CDC42EP2: variants seen among roughly 807,000 people sequenced by gnomAD.
The protein encoded by CDC42EP2 is CDC42 effector protein 2, also known as CDC42 effector protein (Rho GTPase binding) 2.
In CDC42EP2, 5 loss-of-function variants were observed where a neutral mutation model predicts 7.3. The observed-to-expected ratio is 0.68, with a 90% CI of 0.36 to 1.44. CDC42EP2 has a LOEUF of 1.44. Ranked by LOEUF, CDC42EP2 falls within the 40% of genes most tolerant of loss-of-function variation. CDC42EP2 has a pLI of 0.04. For synonymous variants in CDC42EP2, 113 were observed against 123.6 expected (o/e 0.91, Z 0.57); for missense variants, 251 against 282.6 (o/e 0.89, Z 0.80).
rs551068971 is a variant in CDC42EP2 at position 65,318,081 on chromosome 11, T to A, written c.-355-2463T>A. ...GCCTTCTAGATTTTTCTCTGTGTTT[T>A]AAATTTTTTTTTTAATTTTTTTTAT... On this transcript the variant is annotated intron_variant, in intron 1 of 1. Transcript: ENST00000279249. Among the ~76,000 whole-genome samples, 122 of 152,006 alleles carry A rather than the reference T, an allele frequency of 8.0e-4. 1 individual carries two copies. In the East Asian group the frequency reaches 0.02, roughly 24 times the overall value.
chr11:65,318,645 G>C (rs907378898), intron 1 of CDC42EP2, among the ~76,000 whole-genome samples: 1 of 151,662 alleles, frequency 6.6e-6, no homozygotes, highest in Admixed American at 6.6e-5. Flanking sequence ...GGATGGTCTC[G>C]ATCTCCTGAC....
At chr11:65,319,854 G>A (rs1028430998) in intron 1 of CDC42EP2, among the ~76,000 whole-genome samples, 2 of 152,198 alleles carry the variant, frequency 1.3e-5, no homozygotes, top group African/African-American at 4.8e-5. Flanking sequence ...CCACAATCTG[G>A]CACTTACATT....
At chr11:65,316,814 C>T (rs1302405121) in intron 1 of CDC42EP2, among the ~76,000 whole-genome samples, 8 of 152,152 alleles carry the variant, frequency 5.3e-5, no homozygotes, top group Admixed American at 5.2e-4. Flanking sequence ...GCCTCACCCT[C>T]GATTCTCCCC....
At chr11:65,318,421 A>AT (rs1279340276) in intron 1 of CDC42EP2, among the ~76,000 whole-genome samples, 8,169 of 114,038 alleles carry the variant, frequency 0.072, 566 homozygotes, top group African/African-American at 0.16. Flanking sequence ...CACCTGGCAA[A>AT]TTTTTTTTTT....
At position 65,315,566 on chromosome 11, in the gene CDC42EP2, TCCCCGATTGTGGGACCAGAAA is replaced by T. The variant is rs1408699911; in HGVS notation, c.-356+619_-356+639del. Among the ~76,000 whole-genome samples the T allele has an allele frequency of 6.6e-6, 1 of 152,214 alleles. No individual in the cohort carries two copies. The highest frequency in any genetic ancestry group is 1.5e-5 in the Non-Finnish European group (1 of 68,032). ...GCAGGGTCCCCAATCGCCCCCTTTT[TCCCCGATTGTGGGACCAGAAA>T]CCCCGAAGCAAAAAGATCTCGCAGG... is the stretch of plus-strand genomic sequence containing the variant. On this transcript the variant is annotated intron_variant, in intron 1 of 1. Transcript: ENST00000279249. The surrounding 1 kb of genome is among the most constrained non-coding windows in gnomAD (Gnocchi z 4.1).
rs1949970682 is a variant in CDC42EP2, at chr11:65,320,927, A to G, written c.29A>G (p.Lys10Arg). The change falls in exon 2 of 2, where the codon AAG (lysine) becomes AGG (arginine). Residue 10 changes from lysine (K) to arginine (R), a missense_variant. Lys to Arg is a conservative substitution (Grantham distance 26). Coordinates refer to ENST00000279249, the MANE Select transcript of CDC42EP2 (RefSeq NM_006779.4). MSTKVPIYL[K>R]RGSRKGKKEK... ...TCCACCAAGGTGCCCATCTATCTGA[A>G]GCGTGGCAGTCGCAAGGGCAAGAAG... 6.2e-7 allele frequency: 1 copy of G among 1,608,510 alleles called. No individual in the cohort carries two copies. The highest frequency in any genetic ancestry group is 8.5e-7 in the Non-Finnish European group (1 of 1,175,796).
intron 1 of CDC42EP2, among the ~76,000 whole-genome samples, chr11:65,316,681 G>A (rs1949949422): frequency 6.6e-6 from 1 of 152,154 alleles, no homozygotes; most frequent in African/African-American, 2.4e-5. Context: ...TGCCGTGACT[G>A]GGAGCTTTAA....
At chr11:65,316,020 C>T (rs4149818) in intron 1 of CDC42EP2, among the ~76,000 whole-genome samples, 5,812 of 152,282 alleles carry the variant, frequency 0.038, 204 homozygotes, top group Non-Finnish European at 0.051. Flanking sequence ...GGCGCTCTCA[C>T]CTGCAATATT....
At chr11:65,319,846 A>G (rs996821147) in intron 1 of CDC42EP2, among the ~76,000 whole-genome samples, 2 of 152,180 alleles carry the variant, frequency 1.3e-5, no homozygotes, top group African/African-American at 4.8e-5. Flanking sequence ...GAGGCCCCCC[A>G]CAATCTGGCA....
At position 65,321,010 on chromosome 11, in the gene CDC42EP2, C is replaced by G; in HGVS notation, c.112C>G (p.Arg38Gly). ...GATCAGCCCACCGCTGGGGGACTTCCGCCACACCATTCATATTGGCAGTGG... is the reference window on the plus strand; with the variant it reads ...GATCAGCCCACCGCTGGGGGACTTCGGCCACACCATTCATATTGGCAGTGG... Reference protein sequence around the residue: ...DMISPPLGDFRHTIHIGSGGG... With the variant: ...DMISPPLGDFGHTIHIGSGGG... The change falls in exon 2 of 2, where the codon CGC (arginine) becomes GGC (glycine). Residue 38 changes from arginine (R) to glycine (G), a missense_variant. Coordinates refer to ENST00000279249, the MANE Select transcript of CDC42EP2 (RefSeq NM_006779.4). The surrounding 1 kb of genome is among the most constrained non-coding windows in gnomAD (Gnocchi z 4.4). The G allele has an allele frequency of 6.2e-7, 1 of 1,614,152 alleles. No homozygotes were observed. Among genetic ancestry groups the G allele is most frequent in the Non-Finnish European group, 8.5e-7 (1 of 1,180,050 alleles).
At chr11:65,319,679 C>T (rs1211254746) in intron 1 of CDC42EP2, among the ~76,000 whole-genome samples, 1 of 152,200 alleles carries the variant, frequency 6.6e-6, no homozygotes, top group Non-Finnish European at 1.5e-5. Flanking sequence ...ACCCCACCTC[C>T]AGGTGGGACA....
intron 1 of CDC42EP2, among the ~76,000 whole-genome samples, chr11:65,316,885 T>C (rs1409060937): frequency 6.6e-6 from 1 of 152,016 alleles, no homozygotes; most frequent in East Asian, 1.9e-4. Flanking sequence ...GGACGCCCAA[T>C]TTGTTGTGGA....
chr11:65,319,110 A>T (rs1395494976), intron 1 of CDC42EP2, among the ~76,000 whole-genome samples: 4 of 148,500 alleles, frequency 2.7e-5, no homozygotes, highest in African/African-American at 9.9e-5. Context: ...CTCAGGTTCA[A>T]TTTTGAATTT....
In CDC42EP2 at chr11:65,321,908, A is replaced by G; in HGVS notation, c.*377A>G. 4.5e-6 allele frequency: 1 copy of G among 220,080 alleles called. No homozygotes were observed. The highest frequency in any genetic ancestry group is 1.0e-5 in the Non-Finnish European group (1 of 99,790). The allele number at this position is 220,080 out of a possible 1,614,324, so 13.6% of individuals were successfully genotyped here. ...TGGATGCCCTGACTGGGGGCAGGGG[A>G]AGAGACAGGGCACAGCTGGCCACAG... On this transcript the variant is annotated 3_prime_UTR_variant, in exon 2 of 2. Coordinates refer to ENST00000279249, the MANE Select transcript of CDC42EP2 (RefSeq NM_006779.4). This position sits in a 1 kb window ranked among gnomAD's most constrained non-coding sequence, Gnocchi z 4.4.
At position 65,321,074 on chromosome 11, in the gene CDC42EP2, A is replaced by C. The variant is rs1949971774; in HGVS notation, c.176A>C (p.Gln59Pro). 6.2e-6 allele frequency: 10 copies of C among 1,614,130 alleles called. No homozygotes were observed. Among genetic ancestry groups the C allele is most frequent in the African/African-American group, 1.3e-5 (1 of 75,044 alleles). Residue 59 changes from glutamine (Q) to proline (P), a missense_variant, in exon 2 of 2, where the codon CAG becomes CCG. By Grantham distance (76) the Gln-to-Pro change is moderately conservative. Coordinates refer to ENST00000279249, the MANE Select transcript of CDC42EP2 (RefSeq NM_006779.4). This position sits in a 1 kb window ranked among gnomAD's most constrained non-coding sequence, Gnocchi z 4.4. Reference protein sequence around the residue: ...SDMFGDISFLQGKFHLLPGTM... With the variant: ...SDMFGDISFLPGKFHLLPGTM... ...ATGTTTGGCGACATCTCCTTCCTGC[A>C]GGGCAAGTTCCACCTCCTGCCGGGG...
At position 65,320,746 on chromosome 11, in the gene CDC42EP2, C is replaced by T. The variant is rs1346148086; in HGVS notation, c.-153C>T. The stretch of plus-strand genomic sequence containing the variant: ...ATTCCTTGGGCCAACTTTGTTCGTG[C>T]CCCCACACTGTAGCCAGAAGCCCGT... On this transcript the variant is annotated 5_prime_UTR_variant, in exon 2 of 2. Coordinates refer to ENST00000279249, the MANE Select transcript of CDC42EP2 (RefSeq NM_006779.4). The T allele has an allele frequency of 1.9e-5, 13 of 698,868 alleles. No individual in the cohort carries two copies. Among genetic ancestry groups the T allele is most frequent in the Non-Finnish European group, 3.1e-5 (13 of 423,332 alleles). 43.3% of individuals were successfully genotyped at this position (698,868 alleles called of 1,614,324 possible).
Position 65,320,754 on chromosome 11 carries a change from C to T in CDC42EP2, c.-145C>T, listed in dbSNP as rs1190406017. Reference sequence around the variant, plus strand: ...GGCCAACTTTGTTCGTGCCCCCACACTGTAGCCAGAAGCCCGTTGGCGAGC... The same window carrying T: ...GGCCAACTTTGTTCGTGCCCCCACATTGTAGCCAGAAGCCCGTTGGCGAGC... On this transcript the variant is annotated 5_prime_UTR_variant, in exon 2 of 2. Coordinates refer to ENST00000279249, the MANE Select transcript of CDC42EP2 (RefSeq NM_006779.4). 1 of 766,428 alleles carries T rather than the reference C, an allele frequency of 1.3e-6. No individual in the cohort carries two copies. The highest frequency in any genetic ancestry group is 1.8e-5 in the African/African-American group (1 of 56,888). 47.5% of individuals were successfully genotyped at this position (766,428 alleles called of 1,614,324 possible).
At chr11:65,319,050 T>C (rs1949961666) in intron 1 of CDC42EP2, among the ~76,000 whole-genome samples, 1 of 151,760 alleles carries the variant, frequency 6.6e-6, no homozygotes, top group Non-Finnish European at 1.5e-5. Context: ...CTTCTCTCTC[T>C]CTGCAATGCC....
In CDC42EP2 at chr11:65,321,608, G is replaced by A; in HGVS notation, c.*77G>A. 1.4e-6 allele frequency: 2 copies of A among 1,401,626 alleles called. No individual in the cohort carries two copies. Among genetic ancestry groups the A allele is most frequent in the Non-Finnish European group, 1.9e-6 (2 of 1,026,694 alleles). The allele number at this position is 1,401,626 out of a possible 1,614,324, so 86.8% of individuals were successfully genotyped here. On this transcript the variant is annotated 3_prime_UTR_variant, in exon 2 of 2. Coordinates refer to ENST00000279249, the MANE Select transcript of CDC42EP2 (RefSeq NM_006779.4). The surrounding 1 kb of genome is among the most constrained non-coding windows in gnomAD (Gnocchi z 4.4). Reference sequence around the variant, plus strand: ...GGGTGTGGACCCGGCCCTGGCGGCGGAGTCAGGGTCCCAAGATCCCACCTG... The same window carrying A: ...GGGTGTGGACCCGGCCCTGGCGGCGAAGTCAGGGTCCCAAGATCCCACCTG...
Sources: allele counts gnomAD v4.1 joint callset (sites outside exome capture counted in the v4.1 genomes callset), GRCh38; gene constraint gnomAD v4.1.1; non-coding constraint Gnocchi (gnomAD v3.1); transcripts MANE v1.5; gene names NCBI Gene and HGNC (gene_info 2026-07-23, HGNC 2026-07-21).